The following RBFOX1 variants were observed in gnomAD, a reference collection of about 807,000 sequenced individuals.
The protein encoded by RBFOX1 is RNA binding fox-1 homolog 1.
A neutral mutation model predicts 57.7 loss-of-function variants in RBFOX1; 8 were observed. That is an observed-to-expected ratio of 0.14 (90% CI 0.08 to 0.25). RBFOX1 has a LOEUF of 0.25. RBFOX1 is among the 10% of genes least tolerant of loss of function. The pLI is 1.00. For missense variants in RBFOX1, 611 were observed against 548.5 expected, an observed-to-expected ratio of 1.11 and a Z score of -1.14; for synonymous variants, 326 against 222.4, an observed-to-expected ratio of 1.47 and a Z score of -4.15.
At chr16:7,685,170 T>A (rs769585124) in intron 14 of RBFOX1, among the ~76,000 whole-genome samples, 2 of 152,060 alleles carry the variant, frequency 1.3e-5, no homozygotes, top group African/African-American at 2.4e-5. Context: ...AGCCCCACTT[T>A]AGAGAACAAG....
intron 4 of RBFOX1, among the ~76,000 whole-genome samples, chr16:7,491,175 C>T (rs974787349): frequency 6.6e-6 from 1 of 152,118 alleles, no homozygotes; most frequent in African/African-American, 2.4e-5. Context: ...GAAGCCAATT[C>T]TTCAACCACC....
chr16:5,349,457 C>G (rs1192866162), intron 1 of RBFOX1, among the ~76,000 whole-genome samples: 2 of 152,114 alleles, frequency 1.3e-5, no homozygotes, highest in Non-Finnish European at 2.9e-5. Context: ...GCGGATTACT[C>G]AAGGTCAGGA....
In RBFOX1 at chr16:7,276,554, A is replaced by ATT. The variant is rs199648940; in HGVS notation, c.27+224464_27+224465dup. On this transcript the variant is annotated intron_variant, in intron 4 of 15. Transcript: ENST00000550418. The stretch of plus-strand genomic sequence containing the variant: ...AGTAGGAGGCTTCTATCCTTGACTG[A>ATT]TTTTTTTTTAAATTTTTCTGCCTCC... Among the ~76,000 whole-genome samples, 105 of 151,406 alleles carry ATT rather than the reference A, an allele frequency of 6.9e-4. 1 individual carries two copies. Among genetic ancestry groups the ATT allele is most frequent in the Admixed American group, 3.3e-4 (5 of 15,186 alleles).
chr16:7,197,679 G>C (rs1391838133), intron 4 of RBFOX1, among the ~76,000 whole-genome samples: 1 of 152,164 alleles, frequency 6.6e-6, no homozygotes, highest in South Asian at 2.1e-4. Flanking sequence ...CAACTCAACT[G>C]TCCATCACCA....
chr16:6,767,950 GAAGAAGAA>G (rs2077627198), intron 3 of RBFOX1, among the ~76,000 whole-genome samples: 10 of 105,246 alleles, frequency 9.5e-5, no homozygotes, highest in African/African-American at 3.7e-4. Flanking sequence ...ATAATAATAA[GAAGAAGAA>G]GAAGAAGAAG....
At chr16:7,004,111 A>G (rs990934822) in intron 3 of RBFOX1, 2 of 151,858 alleles carry the variant, frequency 1.3e-5, no homozygotes, top group African/African-American at 4.8e-5. Context: ...CAATGTGGAC[A>G]CTAGAAATCA....
intron 2 of RBFOX1, among the ~76,000 whole-genome samples, chr16:6,569,235 T>A (rs2097310249): frequency 6.6e-6 from 1 of 152,210 alleles, no homozygotes; most frequent in East Asian, 1.9e-4. Context: ...TAATACTGTG[T>A]AAGAAATTAC....
intron 2 of RBFOX1, among the ~76,000 whole-genome samples, chr16:6,631,773 A>C (rs2098387811): frequency 6.6e-6 from 1 of 152,154 alleles, no homozygotes; most frequent in South Asian, 2.1e-4. Flanking sequence ...GAGGAGGAGC[A>C]GCCACCGGGA....
At chr16:6,454,390 C>G (rs1597466059) in intron 2 of RBFOX1, among the ~76,000 whole-genome samples, 1 of 152,062 alleles carries the variant, frequency 6.6e-6, no homozygotes, top group African/African-American at 2.4e-5. Context: ...AACCATATCT[C>G]TACTAAAAAT....
chr16:7,633,857 C>CTGTT (rs901522654), intron 11 of RBFOX1, among the ~76,000 whole-genome samples: 1 of 152,138 alleles, frequency 6.6e-6, no homozygotes, highest in Non-Finnish European at 1.5e-5. Context: ...TTGGTCTAGG[C>CTGTT]TGTTTGTGGA....
intron 4 of RBFOX1, among the ~76,000 whole-genome samples, chr16:7,388,644 C>CTTTTT (rs61629644): frequency 1.5e-4 from 14 of 92,610 alleles, no homozygotes; most frequent in South Asian, 8.9e-4. Flanking sequence ...GTTTCACTTA[C>CTTTTT]TTTTTTTTTT....
At chr16:7,286,746 C>T (rs567178532) in intron 4 of RBFOX1, among the ~76,000 whole-genome samples, 1 of 151,684 alleles carries the variant, frequency 6.6e-6, no homozygotes, top group African/African-American at 2.4e-5. Flanking sequence ...GCCTCAGCCT[C>T]CCGAGTAGCT....
At chr16:5,460,437 T>A (rs555142613) in intron 1 of RBFOX1, among the ~76,000 whole-genome samples, 1 of 152,322 alleles carries the variant, frequency 6.6e-6, no homozygotes, top group African/African-American at 2.4e-5. Context: ...TTCCTTTGAA[T>A]AAGGAGAGGG....
At chr16:7,661,582 G>T (rs905508586) in intron 12 of RBFOX1, among the ~76,000 whole-genome samples, 2 of 152,238 alleles carry the variant, frequency 1.3e-5, no homozygotes, top group Non-Finnish European at 1.5e-5. Context: ...GTCTCCTGCA[G>T]TATCTATCTC....
chr16:7,240,426 C>G (rs929744563), intron 4 of RBFOX1, among the ~76,000 whole-genome samples: 1 of 152,148 alleles, frequency 6.6e-6, no homozygotes, highest in Non-Finnish European at 1.5e-5. Context: ...AAGGGAAAAT[C>G]TGCATTTGAT....
rs564295770 is a variant in RBFOX1, at chr16:6,699,027, T to C, written c.-16+44377T>C. Among the ~76,000 whole-genome samples, 3 of 152,302 alleles carry C rather than the reference T, an allele frequency of 2.0e-5. No homozygotes were observed. In the South Asian group the frequency reaches 6.2e-4, roughly 32 times the overall value. On this transcript the variant is annotated intron_variant, in intron 3 of 15. Transcript: ENST00000550418. ...GTTGTTCTTGGTACACATTAGGTAC[T>C]AAAAATGGGTGTTTCTGTTATTACC...
At chr16:7,446,309 C>G (rs934320504) in intron 4 of RBFOX1, among the ~76,000 whole-genome samples, 21 of 152,142 alleles carry the variant, frequency 1.4e-4, no homozygotes, top group African/African-American at 5.1e-4. Flanking sequence ...AGTTTGTAAT[C>G]TCAGGAGTCA....
In RBFOX1 at chr16:6,646,583, A is replaced by G. The variant is rs560672028; in HGVS notation, c.-63-8020A>G. Among the ~76,000 whole-genome samples the G allele has an allele frequency of 2.0e-5, 3 of 152,226 alleles. No individual in the cohort carries two copies. The East Asian group carries it at 5.8e-4, about 30-fold the overall frequency. On this transcript the variant is annotated intron_variant, in intron 2 of 15. Transcript: ENST00000550418. ...CTGTGTGGGTAAATCATAATCGGAT[A>G]TGGACTCTTCCTGGCAAACTTAACA...
intron 1 of RBFOX1, among the ~76,000 whole-genome samples, chr16:6,100,313 C>T (rs1482896623): frequency 2.0e-5 from 3 of 152,170 alleles, no homozygotes; most frequent in South Asian, 4.1e-4. Context: ...CAGGCGCCCG[C>T]CATTACGCCT....
Sources: allele counts gnomAD v4.1 joint callset (sites outside exome capture counted in the v4.1 genomes callset), GRCh38; gene constraint gnomAD v4.1.1; transcripts MANE v1.5; gene names NCBI Gene and HGNC (gene_info 2026-07-23, HGNC 2026-07-21).